Variants in AFF1 observed in about 807,000 individuals in gnomAD.
AFF1 encodes AF4/FMR2 family member 1.
AFF1 carries 48 observed loss-of-function variants against 121.7 expected under a neutral mutation model. That is an observed-to-expected ratio of 0.39 (90% CI 0.31 to 0.50). AFF1 has a LOEUF of 0.50. Ranked by LOEUF, AFF1 falls within the 20% of genes least tolerant of loss-of-function variation. The pLI, the probability that AFF1 is intolerant of heterozygous loss-of-function variation, is 0.76. For synonymous variants in AFF1, 613 were observed against 563.0 expected (o/e 1.09, Z -1.26); for missense variants, 1,523 against 1,511.7 (o/e 1.01, Z -0.12).
Position 87,136,517 on chromosome 4 carries a change from A to G in AFF1, c.*816A>G. The G allele has an allele frequency of 4.3e-6, 1 of 232,106 alleles. No homozygotes were observed. Among genetic ancestry groups the G allele is most frequent in the Non-Finnish European group, 8.5e-6 (1 of 117,664 alleles). The allele number at this position is 232,106 out of a possible 1,614,324, so 14.4% of individuals were successfully genotyped here. A position where few individuals can be genotyped will look rare whatever the true frequency, so the allele number is the denominator to read the frequency against. On this transcript the variant is annotated 3_prime_UTR_variant, in exon 21 of 21. Transcript: ENST00000395146. ...CCATTTCCTACCCCTGCCATTTCCC[A>G]CCCCTGCTTCAGCGAAAGGGACTCT...
chr4:87,004,974 T>C (rs1014601169), intron 2 of AFF1, among the ~76,000 whole-genome samples: 2 of 152,242 alleles, frequency 1.3e-5, no homozygotes, highest in African/African-American at 4.8e-5. Flanking sequence ...TGGTCTGTTT[T>C]GCACTTTTTT....
chr4:87,072,922 C>T (rs1722242902), intron 4 of AFF1, among the ~76,000 whole-genome samples: 1 of 152,046 alleles, frequency 6.6e-6, no homozygotes, highest in Non-Finnish European at 1.5e-5. Context: ...TTCGCTTTCA[C>T]CAGATCAGTA....
At chr4:87,065,926 C>T (rs1209981173) in intron 4 of AFF1, among the ~76,000 whole-genome samples, 1 of 152,136 alleles carries the variant, frequency 6.6e-6, no homozygotes, top group Non-Finnish European at 1.5e-5. Flanking sequence ...TTTTAGAAGG[C>T]TTTTATGATG....
chr4:87,023,839 T>C (rs1728265297), intron 2 of AFF1, among the ~76,000 whole-genome samples: 1 of 152,162 alleles, frequency 6.6e-6, no homozygotes, highest in Non-Finnish European at 1.5e-5. Context: ...GCTTTTAGCT[T>C]TAGGGGGTTT....
intron 2 of AFF1, among the ~76,000 whole-genome samples, chr4:86,951,602 C>CTTTTTTTTTT (rs1170666576): frequency 8.7e-6 from 1 of 115,492 alleles, no homozygotes; most frequent in African/African-American, 3.7e-5. Context: ...ACTTTTTTTT[C>CTTTTTTTTTT]TTTTTCTTTT....
intron 2 of AFF1, among the ~76,000 whole-genome samples, chr4:87,038,854 A>G (rs1043649943): frequency 1.3e-5 from 2 of 152,236 alleles, no homozygotes; most frequent in Admixed American, 1.3e-4. Flanking sequence ...ACACTCTGTC[A>G]TCCAAGAGAG....
intron 2 of AFF1, among the ~76,000 whole-genome samples, chr4:87,031,342 T>A (rs192229892): frequency 1.3e-5 from 2 of 152,338 alleles, no homozygotes; most frequent in Admixed American, 6.5e-5. Context: ...TGTTCTTAAT[T>A]AATTAAATCA....
chr4:87,090,143 T>C, intron 6 of AFF1, 73 bp downstream of exon 6: 1 of 1,213,776 alleles, frequency 8.2e-7, no homozygotes, highest in Non-Finnish European at 1.2e-6. Context: ...GTGAGGCAGA[T>C]TGATAAAGTA....
intron 6 of AFF1, 48 bp from the exon 7 acceptor site, chr4:87,091,745 T>C (rs1295285989): frequency 4.0e-6 from 5 of 1,262,666 alleles, no homozygotes; most frequent in Non-Finnish European, 5.5e-6. Context: ...TCTTTAACTT[T>C]ATAAGCCTTA....
chr4:86,940,198 C>T (rs889256410), intron 1 of AFF1, among the ~76,000 whole-genome samples: 1 of 152,198 alleles, frequency 6.6e-6, no homozygotes, highest in Non-Finnish European at 1.5e-5. Context: ...TTTTACCCTA[C>T]TCTCAAGCTA....
chr4:87,067,143 C>T (rs1249968594), intron 4 of AFF1, among the ~76,000 whole-genome samples: 1 of 152,054 alleles, frequency 6.6e-6, no homozygotes, highest in Non-Finnish European at 1.5e-5. Context: ...AGTGGGAAAC[C>T]TTAGTAGGAT....
chr4:87,095,715 G>A (rs1469867150), intron 8 of AFF1, among the ~76,000 whole-genome samples: 1 of 152,084 alleles, frequency 6.6e-6, no homozygotes, highest in Non-Finnish European at 1.5e-5. Context: ...GAAATATTTT[G>A]GGTTATGGGA....
chr4:87,032,926 A>T (rs1329687503), intron 2 of AFF1, among the ~76,000 whole-genome samples: 1 of 152,158 alleles, frequency 6.6e-6, no homozygotes, highest in Non-Finnish European at 1.5e-5. Context: ...AGGCAAGAGG[A>T]TTGCTTGAGG....
At chr4:87,049,465 CT>C (rs1731056183) in intron 4 of AFF1, among the ~76,000 whole-genome samples, 3 of 152,136 alleles carry the variant, frequency 2.0e-5, no homozygotes, top group Admixed American at 1.3e-4. Context: ...TCTTCAGTGT[CT>C]TAAAACCCCT....
At chr4:87,028,250 G>GTA (rs1313977156) in intron 2 of AFF1, among the ~76,000 whole-genome samples, 1 of 151,786 alleles carries the variant, frequency 6.6e-6, no homozygotes, top group East Asian at 1.9e-4. Context: ...TTGTGGGAGA[G>GTA]TATACTGTCC....
intron 2 of AFF1, among the ~76,000 whole-genome samples, chr4:86,994,238 A>G (rs1349798907): frequency 6.6e-6 from 1 of 152,240 alleles, no homozygotes; most frequent in Non-Finnish European, 1.5e-5. Context: ...CGAAGTTGCT[A>G]ATTCGACTTC....
chr4:87,052,057 C>T (rs765647199), intron 4 of AFF1, among the ~76,000 whole-genome samples: 1 of 152,088 alleles, frequency 6.6e-6, no homozygotes, highest in Non-Finnish European at 1.5e-5. Flanking sequence ...GGAGGATGAA[C>T]ATGCGTCAGT....
chr4:87,000,059 TAAC>T (rs1268110039), intron 2 of AFF1, among the ~76,000 whole-genome samples: 1 of 152,120 alleles, frequency 6.6e-6, no homozygotes, highest in African/African-American at 2.4e-5. Context: ...AACAATTTGA[TAAC>T]AAAATCAATC....
chr4:86,938,990 T>C (rs1375909954), intron 1 of AFF1, among the ~76,000 whole-genome samples: 1 of 152,240 alleles, frequency 6.6e-6, no homozygotes, highest in Non-Finnish European at 1.5e-5. Flanking sequence ...TTGTGACAAA[T>C]AGTGCCTGAA....
Sources: allele counts gnomAD v4.1 joint callset (sites outside exome capture counted in the v4.1 genomes callset), GRCh38; gene constraint gnomAD v4.1.1; transcripts MANE v1.5; gene names NCBI Gene and HGNC (gene_info 2026-07-23, HGNC 2026-07-21).